IRAK1BP1: variants seen among roughly 807,000 people sequenced by gnomAD.
The protein encoded by IRAK1BP1 is interleukin-1 receptor-associated kinase 1-binding protein 1.
IRAK1BP1 carries 24 observed loss-of-function variants against 28.0 expected under a neutral mutation model. The observed-to-expected ratio is 0.86, with a 90% CI of 0.62 to 1.20. IRAK1BP1 has a LOEUF of 1.20. IRAK1BP1 is among the 50% of genes most tolerant of loss of function. IRAK1BP1 has a pLI of 0.00. For synonymous variants in IRAK1BP1, 131 were observed against 116.3 expected (o/e 1.13, Z -0.81); for missense variants, 336 against 316.7 (o/e 1.06, Z -0.46).
At chr6:78,946,356 T>C (rs1047261459) in exon 5 of IRAK1BP1, 56 of 1,418,084 alleles carry the variant, frequency 3.9e-5, no homozygotes, top group African/African-American at 5.8e-5. Flanking sequence ...TGTACTATTA[T>C]GAAATATGTT....
intron 1 of IRAK1BP1, among the ~76,000 whole-genome samples, chr6:78,880,167 A>T (rs1445616818): frequency 6.6e-6 from 1 of 152,222 alleles, no homozygotes; most frequent in Non-Finnish European, 1.5e-5. Context: ...ATTGAAGATG[A>T]GTTTTTAGAT....
chr6:78,882,009 G>A (rs1053124915), intron 1 of IRAK1BP1, among the ~76,000 whole-genome samples: 7 of 152,016 alleles, frequency 4.6e-5, no homozygotes, highest in South Asian at 2.1e-4. Context: ...ATCTGTGTGC[G>A]TATATATATG....
intron 2 of IRAK1BP1, among the ~76,000 whole-genome samples, chr6:78,887,383 T>C (rs1771465614): frequency 6.6e-6 from 1 of 151,962 alleles, no homozygotes; most frequent in African/African-American, 2.4e-5. Context: ...AGCAGAAGAT[T>C]GGCTGGGCGC....
chr6:78,947,066 T>C (rs1448936690), downstream of IRAK1BP1, among the ~76,000 whole-genome samples: 1 of 152,214 alleles, frequency 6.6e-6, no homozygotes, highest in African/African-American at 2.4e-5. Context: ...TTTTTGTGTT[T>C]AGAACAGAAA....
intron 4 of IRAK1BP1, chr6:78,945,314 G>A (rs369317750): frequency 1.4e-5 from 23 of 1,608,146 alleles, no homozygotes; most frequent in Non-Finnish European, 2.0e-5. Flanking sequence ...CTCAATGACA[G>A]CTGATGACTT....
intron 4 of IRAK1BP1, among the ~76,000 whole-genome samples, chr6:78,911,945 G>T (rs557064392): frequency 1.2e-4 from 18 of 152,260 alleles, no homozygotes; most frequent in African/African-American, 4.3e-4. Context: ...GACATAGCAG[G>T]TGTTCACTAA....
the IRAK1BP1 span, among the ~76,000 whole-genome samples, chr6:78,963,845 G>A: frequency 6.6e-6 from 1 of 152,144 alleles, no homozygotes; most frequent in African/African-American, 2.4e-5. Context: ...TTTAGACTAA[G>A]TTTTGGCAGA....
intron 1 of IRAK1BP1, among the ~76,000 whole-genome samples, chr6:78,869,550 A>C (rs763265745): frequency 4.6e-5 from 7 of 152,170 alleles, no homozygotes; most frequent in Non-Finnish European, 1.0e-4. Flanking sequence ...AACTAAGTCC[A>C]ACTTAGAGTA....
the IRAK1BP1 span, among the ~76,000 whole-genome samples, chr6:78,959,540 G>GT: frequency 6.6e-6 from 1 of 151,998 alleles, no homozygotes; most frequent in South Asian, 2.1e-4. Flanking sequence ...AAAACAAACT[G>GT]TAAGAAGTCT....
At chr6:78,978,572 A>C in the IRAK1BP1 span, 1 of 1,557,112 alleles carries the variant, frequency 6.4e-7, no homozygotes, top group Non-Finnish European at 8.7e-7. Context: ...AAAATGGATA[A>C]TTTAAAACTT....
intron 4 of IRAK1BP1, among the ~76,000 whole-genome samples, chr6:78,909,158 A>G (rs191391204): frequency 1.3e-5 from 2 of 152,324 alleles, no homozygotes; most frequent in South Asian, 2.1e-4. Flanking sequence ...CGATAGTTCA[A>G]TTTATGATTT....
chr6:78,978,682 A>C, the IRAK1BP1 span: 1 of 1,594,968 alleles, frequency 6.3e-7, no homozygotes, highest in Non-Finnish European at 8.6e-7. Flanking sequence ...ATGTCAAACC[A>C]TTTTCAGTTA....
intron 4 of IRAK1BP1, among the ~76,000 whole-genome samples, chr6:78,911,246 G>T (rs1388190723): frequency 6.6e-6 from 1 of 152,090 alleles, no homozygotes; most frequent in Non-Finnish European, 1.5e-5. Context: ...ATGCCAGAAC[G>T]CAGTGACCTA....
At chr6:78,907,970 A>G (rs2127659977), downstream of IRAK1BP1, among the ~76,000 whole-genome samples, 1 of 152,074 alleles carries the variant, frequency 6.6e-6, no homozygotes, top group African/African-American at 2.4e-5. Flanking sequence ...CGCCCGCCTC[A>G]GCCTCCCAAA....
the IRAK1BP1 span, among the ~76,000 whole-genome samples, chr6:78,953,699 T>C: frequency 5.3e-5 from 8 of 152,192 alleles, no homozygotes; most frequent in Non-Finnish European, 8.8e-5. Context: ...TATCTGTTGA[T>C]GAAATTTCTT....
intron 4 of IRAK1BP1, among the ~76,000 whole-genome samples, chr6:78,918,594 A>AG (rs1366525330): frequency 6.6e-6 from 1 of 150,590 alleles, no homozygotes; most frequent in East Asian, 1.9e-4. Flanking sequence ...AAAAAAAAAA[A>AG]AAAAAAGGGA....
chr6:78,914,699 A>G (rs1418829270), intron 4 of IRAK1BP1, among the ~76,000 whole-genome samples: 2 of 152,246 alleles, frequency 1.3e-5, no homozygotes, highest in Non-Finnish European at 2.9e-5. Context: ...CACTGCCTAC[A>G]TGTAATGATG....
chr6:78,957,407 A>T, the IRAK1BP1 span: 1 of 152,082 alleles, frequency 6.6e-6, no homozygotes, highest in South Asian at 2.1e-4. Context: ...ACCATTGGAA[A>T]GCAATAGATT....
the IRAK1BP1 span, among the ~76,000 whole-genome samples, chr6:78,974,750 C>G: frequency 6.6e-6 from 1 of 151,910 alleles, no homozygotes; most frequent in Admixed American, 6.6e-5. Flanking sequence ...AACACTTCTA[C>G]GCAAATAAAC....
Sources: gnomAD v4.1 joint callset for allele counts (sites outside exome capture counted in the v4.1 genomes callset) on GRCh38, gnomAD v4.1.1 for gene constraint, MANE v1.5 for transcripts, NCBI Gene and HGNC (gene_info 2026-07-23, HGNC 2026-07-21) for gene names.